The following C9orf153 variants were observed in gnomAD, a reference collection of about 807,000 sequenced individuals.
C9orf153 encodes the protein chromosome 9 open reading frame 153, also known as uncharacterized protein C9orf153.
A neutral mutation model predicts 9.0 loss-of-function variants in C9orf153; 10 were observed. The ratio of observed to expected loss-of-function variants is 1.11; its 90% CI spans 0.69 to 1.89. The LOEUF is 1.89. Ranked by LOEUF, C9orf153 falls within the 40% of genes most tolerant of loss-of-function variation. The pLI, the probability that C9orf153 is intolerant of heterozygous loss-of-function variation, is 0.00. For missense variants in C9orf153, 108 were observed against 111.0 expected, an observed-to-expected ratio of 0.97 and a Z score of 0.12; for synonymous variants, 35 against 37.3, an observed-to-expected ratio of 0.94 and a Z score of 0.23.
intron 1 of C9orf153, among the ~76,000 whole-genome samples, chr9:86,254,138 G>T (rs1274609138): frequency 4.0e-5 from 6 of 150,654 alleles, no homozygotes; most frequent in African/African-American, 1.5e-4. Flanking sequence ...CAAATAAATT[G>T]GTCCTACTAT....
In C9orf153 at chr9:86,227,960, T is replaced by C. The variant is rs1824377597; in HGVS notation, c.137A>G (p.His46Arg). 7 of 1,613,510 alleles carry C rather than the reference T, an allele frequency of 4.3e-6. No individual in the cohort carries two copies. Among genetic ancestry groups the C allele is most frequent in the Middle Eastern group, 1.7e-4 (1 of 6,058 alleles). The change falls in exon 3 of 4, where the codon CAT becomes CGT. Residue 46 changes from histidine to arginine, a missense_variant. His to Arg is a conservative substitution (Grantham distance 29). Transcript: ENST00000339137. ...CTGTGCTTCGTTAAGTGAAATACCA[T>C]GCATTTTTAGAAGATTTGATTTCTT... ...ESKKSNLLKM[H>R]GISLNEAQEV...
chr9:86,222,845 C>T (rs1824236985), intron 3 of C9orf153, among the ~76,000 whole-genome samples: 1 of 152,148 alleles, frequency 6.6e-6, no homozygotes, highest in Admixed American at 6.5e-5. Context: ...TACTGTCCCA[C>T]ATGTGGTGAC....
intron 1 of C9orf153, among the ~76,000 whole-genome samples, chr9:86,230,978 G>A (rs899744726): frequency 1.3e-5 from 2 of 152,144 alleles, no homozygotes; most frequent in African/African-American, 4.8e-5. Context: ...CCAGAACCCA[G>A]ACCTTAAGAG....
At chr9:86,251,635 T>C (rs573696613) in intron 1 of C9orf153, among the ~76,000 whole-genome samples, 1 of 151,982 alleles carries the variant, frequency 6.6e-6, no homozygotes, top group Non-Finnish European at 1.5e-5. Context: ...AAGTTTTTTT[T>C]AATTAAAGGA....
chr9:86,244,914 T>C (rs1194624262), intron 1 of C9orf153, among the ~76,000 whole-genome samples: 2 of 152,214 alleles, frequency 1.3e-5, no homozygotes, highest in African/African-American at 4.8e-5. Context: ...CCTATAGATA[T>C]CTCCTGCAAA....
chr9:86,245,508 G>A (rs1824845960), intron 1 of C9orf153, among the ~76,000 whole-genome samples: 1 of 152,126 alleles, frequency 6.6e-6, no homozygotes, highest in African/African-American at 2.4e-5. Flanking sequence ...ATACAATATT[G>A]GTTTCTTGGG....
chr9:86,248,699 C>A (rs1261710811), intron 1 of C9orf153, among the ~76,000 whole-genome samples: 1 of 152,056 alleles, frequency 6.6e-6, no homozygotes, highest in South Asian at 2.1e-4. Flanking sequence ...AGTTGGGTGA[C>A]CTGAACCTGT....
intron 1 of C9orf153, among the ~76,000 whole-genome samples, chr9:86,234,109 T>C (rs952236719): frequency 2.0e-5 from 3 of 152,146 alleles, no homozygotes; most frequent in African/African-American, 4.8e-5. Flanking sequence ...ATAATGACCA[T>C]ATTTCAATGC....
intron 1 of C9orf153, among the ~76,000 whole-genome samples, chr9:86,244,860 T>C (rs1303846333): frequency 6.6e-6 from 1 of 152,244 alleles, no homozygotes; most frequent in Non-Finnish European, 1.5e-5. Context: ...ACATACTCTA[T>C]TGTCATTTCT....
intron 1 of C9orf153, among the ~76,000 whole-genome samples, chr9:86,236,423 T>C (rs1824589337): frequency 6.6e-6 from 1 of 151,602 alleles, no homozygotes; most frequent in African/African-American, 2.4e-5. Context: ...GTGGCGTGCA[T>C]CTGTAATCCC....
At position 86,229,556 on chromosome 9, in the gene C9orf153, G is replaced by T; in HGVS notation, c.48C>A (p.Ala16=). The change falls in exon 2 of 4, where the codon GCC becomes GCA. Residue 16 remains alanine (A), a synonymous_variant. Transcript: ENST00000339137. Reference sequence around the variant, plus strand: ...TACATACTGAACATTGAGGAAGGGTGGCTTCTCTATTGTCCTCAGCTGGAC... The same window carrying T: ...TACATACTGAACATTGAGGAAGGGTTGCTTCTCTATTGTCCTCAGCTGGAC... The part of the protein sequence containing the change: ...DTSPAEDNRE[A]TLPQCSLPEL... 1 of 1,611,540 alleles carries T rather than the reference G, an allele frequency of 6.2e-7. No homozygotes were observed. Among genetic ancestry groups the T allele is most frequent in the Non-Finnish European group, 8.5e-7 (1 of 1,177,742 alleles).
intron 3 of C9orf153, among the ~76,000 whole-genome samples, chr9:86,222,310 T>C (rs905845439): frequency 2.0e-4 from 31 of 152,010 alleles, no homozygotes; most frequent in African/African-American, 7.0e-4. Flanking sequence ...CCCCGGCAGG[T>C]GGACGGAGTA....
chr9:86,245,814 A>G (rs1824852738), intron 1 of C9orf153, among the ~76,000 whole-genome samples: 1 of 152,240 alleles, frequency 6.6e-6, no homozygotes, highest in Admixed American at 6.5e-5. Flanking sequence ...TAACAAATAA[A>G]AAGAAAAGAT....
chr9:86,250,184 GTTTT>G (rs1305505028), intron 1 of C9orf153, among the ~76,000 whole-genome samples: 1 of 152,098 alleles, frequency 6.6e-6, no homozygotes, highest in Non-Finnish European at 1.5e-5. Context: ...CAGACTTAAT[GTTTT>G]TTTCTTTTTA....
chr9:86,234,158 C>A (rs913965297), intron 1 of C9orf153, among the ~76,000 whole-genome samples: 5 of 152,206 alleles, frequency 3.3e-5, no homozygotes, highest in African/African-American at 4.8e-5. Flanking sequence ...CTTTAGCCAG[C>A]TGGGCTCATT....
intron 1 of C9orf153, among the ~76,000 whole-genome samples, chr9:86,243,469 CT>C (rs11297338): frequency 0.5 from 67,014 of 134,284 alleles, 16,980 homozygotes; most frequent in East Asian, 0.81. Flanking sequence ...TTCTTTTCTT[CT>C]TTTTTTTTTT....
At chr9:86,256,997 C>CAAG (rs747251846) in intron 1 of C9orf153, among the ~76,000 whole-genome samples, 1 of 151,980 alleles carries the variant, frequency 6.6e-6, no homozygotes, top group East Asian at 1.9e-4. Context: ...CTTGTCTCAA[C>CAAG]AAGAAGAAGA....
chr9:86,237,312 C>T (rs1265321610), intron 1 of C9orf153, among the ~76,000 whole-genome samples: 1 of 152,094 alleles, frequency 6.6e-6, no homozygotes, highest in Non-Finnish European at 1.5e-5. Context: ...AACAGTAAAA[C>T]ATTTGGTGAA....
intron 3 of C9orf153, among the ~76,000 whole-genome samples, chr9:86,225,403 C>T (rs1238745820): frequency 2.1e-5 from 2 of 93,922 alleles, no homozygotes; most frequent in African/African-American, 7.2e-5. Context: ...TTCTTTCTCT[C>T]TCTCTCTCTC....
Sources: allele counts gnomAD v4.1 joint callset (sites outside exome capture counted in the v4.1 genomes callset), GRCh38; gene constraint gnomAD v4.1.1; transcripts MANE v1.5; gene names NCBI Gene and HGNC (gene_info 2026-07-23, HGNC 2026-07-21).